Variants in TENM3 observed in about 807,000 individuals in gnomAD.
TENM3 encodes teneurin-3.
A neutral mutation model predicts 255.1 loss-of-function variants in TENM3; 63 were observed. That is an observed-to-expected ratio of 0.25 (90% CI 0.20 to 0.30). TENM3 has a LOEUF of 0.30. TENM3 is among the 10% of genes least tolerant of loss of function. The pLI is 1.00. For missense variants in TENM3, 2,929 were observed against 3,461.1 expected, an observed-to-expected ratio of 0.85 and a Z score of 3.86; for synonymous variants, 1,306 against 1,322.3, an observed-to-expected ratio of 0.99 and a Z score of 0.27.
chr4:181,897,361 T>G, the TENM3 span, among the ~76,000 whole-genome samples: 824 of 152,288 alleles, frequency 5.4e-3, 7 homozygotes, highest in African/African-American at 0.019. Flanking sequence ...CTAAAGAGCA[T>G]GAAATGTGTT....
At chr4:181,542,427 T>G in the TENM3 span, among the ~76,000 whole-genome samples, 1 of 152,174 alleles carries the variant, frequency 6.6e-6, no homozygotes, top group Non-Finnish European at 1.5e-5. Context: ...AGTAGCAGAT[T>G]TGATTTCTGT....
rs28602241 is a variant in TENM3, at chr4:182,354,478, G to A, written c.511+7549G>A. 3.9e-3 allele frequency among the ~76,000 whole-genome samples: 588 copies of A among 152,230 alleles called. 3 individuals carry two copies. The highest frequency in any genetic ancestry group is 5.9e-3 in the Non-Finnish European group (401 of 68,020). ...TAAGTGTTAGAGCCATAGAACCTTC[G>A]TTTATTTGCCATTCCGTGAGCACTC... On this transcript the variant is annotated intron_variant, in intron 3 of 27. Transcript: ENST00000511685.
At position 182,590,584 on chromosome 4, in the gene TENM3, G is replaced by T. The variant is rs558410881; in HGVS notation, c.512-10340G>T. Among the ~76,000 whole-genome samples, 9 of 146,454 alleles carry T rather than the reference G, an allele frequency of 6.1e-5. No individual in the cohort carries two copies. The South Asian group carries it at 1.7e-3, about 28-fold the overall frequency. On this transcript the variant is annotated intron_variant, in intron 3 of 27. Transcript: ENST00000511685. ...AAAGAAAAAGAAAAAGGTGGGCCAA[G>T]TGCAATGGCTCACGCCTATAATCCC...
chr4:181,553,260 A>T, the TENM3 span, among the ~76,000 whole-genome samples: 1 of 133,468 alleles, frequency 7.5e-6, no homozygotes, highest in Admixed American at 7.5e-5. Flanking sequence ...ATAGTCATTA[A>T]GTGTGTGTGT....
At chr4:182,100,638 CAT>C in the TENM3 span, among the ~76,000 whole-genome samples, 796 of 26,160 alleles carry the variant, frequency 0.03, 77 homozygotes, top group Non-Finnish European at 0.063. Context: ...CATATATACA[CAT>C]ATATATACAC....
At chr4:181,784,131 T>G in the TENM3 span, among the ~76,000 whole-genome samples, 2 of 151,584 alleles carry the variant, frequency 1.3e-5, no homozygotes, top group Non-Finnish European at 2.9e-5. Flanking sequence ...CTTGTCTTAT[T>G]CTTTACTCTA....
At chr4:181,993,691 C>G in the TENM3 span, among the ~76,000 whole-genome samples, 1 of 152,052 alleles carries the variant, frequency 6.6e-6, no homozygotes, top group Admixed American at 6.6e-5. Flanking sequence ...ATGCCTCAAA[C>G]TTTAAAGACA....
intron 4 of TENM3, among the ~76,000 whole-genome samples, chr4:182,609,068 A>T (rs1383097878): frequency 6.6e-6 from 1 of 152,092 alleles, no homozygotes; most frequent in Non-Finnish European, 1.5e-5. Flanking sequence ...ACTCTTGGGG[A>T]TGGGACTGGG....
At chr4:182,181,152 A>G (rs1176021189) in intron 1 of TENM3, among the ~76,000 whole-genome samples, 1 of 152,164 alleles carries the variant, frequency 6.6e-6, no homozygotes, top group Non-Finnish European at 1.5e-5. Context: ...AGAATGAAAC[A>G]CCTTTCTTAG....
chr4:182,339,844 T>C (rs2150609464), intron 2 of TENM3, among the ~76,000 whole-genome samples: 1 of 152,334 alleles, frequency 6.6e-6, no homozygotes, highest in African/African-American at 2.4e-5. Context: ...GGGCCTTGGA[T>C]TGTTCTAAAG....
chr4:182,103,448 G>T, the TENM3 span, among the ~76,000 whole-genome samples: 1 of 152,118 alleles, frequency 6.6e-6, no homozygotes, highest in South Asian at 2.1e-4. Context: ...TCAATCAATG[G>T]CCTCTTCATA....
chr4:181,946,502 A>G, the TENM3 span, among the ~76,000 whole-genome samples: 3 of 152,148 alleles, frequency 2.0e-5, no homozygotes, highest in Non-Finnish European at 1.5e-5. Context: ...AATTACTGCT[A>G]ATTTGTCCAA....
the TENM3 span, among the ~76,000 whole-genome samples, chr4:181,497,010 C>T: frequency 4.5e-4 from 68 of 152,240 alleles, no homozygotes; most frequent in Middle Eastern, 0.017. Flanking sequence ...GCCTCCTACA[C>T]ACCCACTGAA....
the TENM3 span, among the ~76,000 whole-genome samples, chr4:181,686,480 G>T: frequency 3.9e-5 from 6 of 152,072 alleles, no homozygotes; most frequent in African/African-American, 1.2e-4. Context: ...CATAAAGGAC[G>T]AAAGTTCCCC....
At chr4:181,849,588 A>G in the TENM3 span, among the ~76,000 whole-genome samples, 1 of 152,324 alleles carries the variant, frequency 6.6e-6, no homozygotes, top group East Asian at 1.9e-4. Context: ...GTGTTTAAAA[A>G]TTCAAAAATG....
At position 182,743,218 on chromosome 4, in the gene TENM3, C is replaced by A; in HGVS notation, c.3428C>A (p.Pro1143His). The change falls in exon 19 of 28, where the codon CCT becomes CAT. Residue 1143 changes from proline to histidine, a missense_variant. By Grantham distance (77) the Pro-to-His change is moderately conservative (BLOSUM62 -2). This residue lies in a region of TENM3 where 1,608 missense variants were observed against 1,884.4 expected (regional missense o/e 0.85). Coordinates refer to ENST00000511685, the MANE Select transcript of TENM3 (RefSeq NM_001080477.4). ...NGENQFISQQ[P>H]PVVSSIMGNG... ...GAAAACCAGTTCATCTCCCAGCAGC[C>A]TCCAGTCGTGAGTAGCATCATGGGC... 6.2e-7 allele frequency: 1 copy of A among 1,613,932 alleles called. No homozygotes were observed. The highest frequency in any genetic ancestry group is 8.5e-7 in the Non-Finnish European group (1 of 1,179,826).
the TENM3 span, among the ~76,000 whole-genome samples, chr4:181,921,091 A>C: frequency 6.6e-6 from 1 of 152,028 alleles, no homozygotes; most frequent in Non-Finnish European, 1.5e-5. Context: ...CCATTCATCT[A>C]TGTCTCTGTT....
At chr4:181,481,138 T>C in the TENM3 span, among the ~76,000 whole-genome samples, 1 of 151,390 alleles carries the variant, frequency 6.6e-6, no homozygotes, top group East Asian at 1.9e-4. Context: ...AAAAAACCTA[T>C]AAAAAACTCT....
the TENM3 span, among the ~76,000 whole-genome samples, chr4:181,702,043 T>C: frequency 1.3e-5 from 2 of 152,154 alleles, no homozygotes; most frequent in African/African-American, 4.8e-5. Context: ...CTATACTCAG[T>C]GGGCACTATG....
Sources: allele counts gnomAD v4.1 joint callset (sites outside exome capture counted in the v4.1 genomes callset), GRCh38; gene constraint gnomAD v4.1.1; regional missense constraint gnomAD v4.1.1; transcripts MANE v1.5; gene names NCBI Gene and HGNC (gene_info 2026-07-23, HGNC 2026-07-21).